Variants in GPC5 observed in about 807,000 individuals in gnomAD.
The protein encoded by GPC5 is glypican 5.
In GPC5, 47 loss-of-function variants were observed where a neutral mutation model predicts 53.9. That is an observed-to-expected ratio of 0.87 (90% CI 0.69 to 1.11). GPC5 has a LOEUF of 1.11. GPC5 is among the 50% of genes most tolerant of loss of function. The probability of loss-of-function intolerance (pLI) is 0.00; values close to 1 mark genes in which losing one functional copy is unlikely to be tolerated. For synonymous variants in GPC5, 286 were observed against 263.3 expected (o/e 1.09, Z -0.84); for missense variants, 748 against 713.1 (o/e 1.05, Z -0.56).
chr13:92,154,136 G>A (rs2041926615), intron 7 of GPC5, among the ~76,000 whole-genome samples: 1 of 152,050 alleles, frequency 6.6e-6, no homozygotes, highest in African/African-American at 2.4e-5. Flanking sequence ...GTATCACATG[G>A]AGAGAGAGGA....
At chr13:91,435,747 G>C (rs1334843545) in intron 1 of GPC5, among the ~76,000 whole-genome samples, 1 of 152,156 alleles carries the variant, frequency 6.6e-6, no homozygotes, top group Non-Finnish European at 1.5e-5. Context: ...GATTGAAATA[G>C]TTTCAGAAGG....
intron 7 of GPC5, among the ~76,000 whole-genome samples, chr13:92,331,178 A>C (rs1040421663): frequency 6.6e-6 from 1 of 152,132 alleles, no homozygotes; most frequent in Non-Finnish European, 1.5e-5. Flanking sequence ...AATTTCTTCA[A>C]TGATCCAGTT....
intron 7 of GPC5, among the ~76,000 whole-genome samples, chr13:92,206,087 A>G (rs2139067735): frequency 6.7e-6 from 1 of 149,420 alleles, no homozygotes; most frequent in Non-Finnish European, 1.5e-5. Flanking sequence ...CCATTCTGTA[A>G]TGTCATTCCA....
chr13:92,709,603 G>C (rs933716626), intron 7 of GPC5: 1 of 152,180 alleles, frequency 6.6e-6, no homozygotes, highest in Non-Finnish European at 1.5e-5. Context: ...AGAATGACAG[G>C]AGGGGAGACA....
intron 6 of GPC5, among the ~76,000 whole-genome samples, chr13:92,007,220 C>A (rs955410323): frequency 2.0e-5 from 3 of 152,136 alleles, no homozygotes; most frequent in Admixed American, 2.0e-4. Context: ...GCCAGGCCAG[C>A]ATACATATTT....
At chr13:92,170,581 C>T (rs892651704) in intron 7 of GPC5, among the ~76,000 whole-genome samples, 3 of 151,544 alleles carry the variant, frequency 2.0e-5, no homozygotes, top group Admixed American at 6.6e-5. Context: ...CACTCAGCCA[C>T]GCCCAGCTAA....
At position 92,821,755 on chromosome 13, in the gene GPC5, A is replaced by G. The variant is rs9561166; in HGVS notation, c.1562-44527A>G. Among the ~76,000 whole-genome samples, 3,884 of 152,238 alleles carry G rather than the reference A, an allele frequency of 0.026. 385 individuals carry two copies. The East Asian group carries it at 0.32, about 13-fold the overall frequency. Reference sequence around the variant, plus strand: ...TATTTCTTTAAATAAAGAGTTCTATATATCAGTTAACTTTTGTGCTCTTTT... The same window carrying G: ...TATTTCTTTAAATAAAGAGTTCTATGTATCAGTTAACTTTTGTGCTCTTTT... On this transcript the variant is annotated intron_variant, in intron 7 of 7. Transcript: ENST00000377067.
chr13:92,277,980 A>T (rs2042887982), intron 7 of GPC5, among the ~76,000 whole-genome samples: 1 of 152,044 alleles, frequency 6.6e-6, no homozygotes, highest in Non-Finnish European at 1.5e-5. Flanking sequence ...AAACAAGTAG[A>T]TCCTCAATAA....
intron 3 of GPC5, among the ~76,000 whole-genome samples, chr13:91,713,160 T>C (rs2036264981): frequency 6.6e-6 from 1 of 152,258 alleles, no homozygotes; most frequent in African/African-American, 2.4e-5. Context: ...CACTGCACTC[T>C]AGCCTGGGTG....
At chr13:92,222,253 AG>A (rs1169049761) in intron 7 of GPC5, among the ~76,000 whole-genome samples, 1 of 152,184 alleles carries the variant, frequency 6.6e-6, no homozygotes. Flanking sequence ...CAGGTTAAAA[AG>A]GGGAAGATGG....
intron 7 of GPC5, among the ~76,000 whole-genome samples, chr13:92,803,920 C>G (rs545339878): frequency 6.6e-6 from 1 of 151,860 alleles, no homozygotes. Flanking sequence ...TAACCTAGAT[C>G]AGTACAAGGC....
intron 7 of GPC5, among the ~76,000 whole-genome samples, chr13:92,734,988 C>T (rs2139303168): frequency 6.6e-6 from 1 of 151,924 alleles, no homozygotes; most frequent in South Asian, 2.1e-4. Context: ...TTTGAATATA[C>T]AAAGGGCACG....
intron 2 of GPC5, among the ~76,000 whole-genome samples, chr13:91,506,950 C>T (rs1566460524): frequency 6.6e-6 from 1 of 151,950 alleles, no homozygotes; most frequent in Non-Finnish European, 1.5e-5. Flanking sequence ...AAATGAATAG[C>T]ATTGAAAACA....
At chr13:91,750,668 T>C (rs1213010274) in intron 4 of GPC5, among the ~76,000 whole-genome samples, 1 of 144,334 alleles carries the variant, frequency 6.9e-6, no homozygotes, top group Non-Finnish European at 1.5e-5. Flanking sequence ...TGGTAGTAGG[T>C]AAGTCCTTTT....
rs145039247 is a variant in GPC5, at chr13:91,928,045, T to G, written c.1401+19988T>G. On this transcript the variant is annotated intron_variant, in intron 6 of 7. Transcript: ENST00000377067. Reference sequence around the variant, plus strand: ...CAGGGCAACTGATTTTGCATGTGGGTGTACACACAGACACATATCCACATA... The same window carrying G: ...CAGGGCAACTGATTTTGCATGTGGGGGTACACACAGACACATATCCACATA... Among the ~76,000 whole-genome samples the G allele has an allele frequency of 7.9e-5, 12 of 152,332 alleles. No individual in the cohort carries two copies. The East Asian group carries it at 2.3e-3, about 29-fold the overall frequency.
intron 7 of GPC5, among the ~76,000 whole-genome samples, chr13:92,737,574 C>T (rs1933196): frequency 0.081 from 12,272 of 151,902 alleles, 1,005 homozygotes; most frequent in East Asian, 0.37. Flanking sequence ...ATATAACTTA[C>T]AAAGTGTTTT....
At chr13:92,215,195 A>G (rs1478677356) in intron 7 of GPC5, among the ~76,000 whole-genome samples, 1 of 152,220 alleles carries the variant, frequency 6.6e-6, no homozygotes, top group African/African-American at 2.4e-5. Context: ...ACACAGAGTG[A>G]AACAAAAACA....
At chr13:92,797,830 T>TAGAC (rs774576535) in intron 7 of GPC5, among the ~76,000 whole-genome samples, 1 of 145,770 alleles carries the variant, frequency 6.9e-6, no homozygotes, top group Non-Finnish European at 1.5e-5. Flanking sequence ...GATAGATAGA[T>TAGAC]AGATAGATAG....
At chr13:92,144,734 C>A in intron 6 of GPC5, 96 bp from the exon 7 acceptor site, 1 of 1,164,554 alleles carries the variant, frequency 8.6e-7, no homozygotes, top group Admixed American at 2.2e-5. Context: ...AAGAGTGGAT[C>A]CACATAACAA....
Sources: allele counts gnomAD v4.1 joint callset (sites outside exome capture counted in the v4.1 genomes callset), GRCh38; gene constraint gnomAD v4.1.1; transcripts MANE v1.5; gene names NCBI Gene and HGNC (gene_info 2026-07-23, HGNC 2026-07-21).